Variants in JADE2 observed in about 807,000 individuals in gnomAD.
The protein encoded by JADE2 is E3 ubiquitin-protein ligase Jade-2.
A neutral mutation model predicts 85.7 loss-of-function variants in JADE2; 13 were observed. The ratio of observed to expected loss-of-function variants is 0.15; its 90% CI spans 0.10 to 0.24. JADE2 has a LOEUF of 0.24. JADE2 is among the 10% of genes least tolerant of loss of function. The pLI is 1.00. For synonymous variants in JADE2, 440 were observed against 456.1 expected, an observed-to-expected ratio of 0.96 and a Z score of 0.45; for missense variants, 846 against 1,115.9, an observed-to-expected ratio of 0.76 and a Z score of 3.45.
Position 134,578,924 on chromosome 5 carries a change from A to C in JADE2, c.2112A>C (p.Ala704=). Residue 704 remains alanine (A), a synonymous_variant, in exon 12 of 12, where the codon GCA becomes GCC. Transcript: ENST00000681547. This position sits in a 1 kb window ranked among gnomAD's most constrained non-coding sequence, Gnocchi z 4.4. ...RTSSHLPSSP[A]AGDCPILATP... ...CTTCTCACTTGCCGTCCAGCCCTGC[A>C]GCCGGGGACTGTCCCATCCTAGCCA... 1 of 1,613,792 alleles carries C rather than the reference A, an allele frequency of 6.2e-7. No individual in the cohort carries two copies. Among genetic ancestry groups the C allele is most frequent in the Non-Finnish European group, 8.5e-7 (1 of 1,180,010 alleles).
intron 1 of JADE2, among the ~76,000 whole-genome samples, chr5:134,531,528 C>T (rs1302802519): frequency 1.9e-4 from 29 of 152,036 alleles, no homozygotes; most frequent in Admixed American, 1.9e-3. Flanking sequence ...CCTCCTGCCT[C>T]TACCTCCCAA....
rs1332600932 is a variant in JADE2, at chr5:134,566,612, C to T, written c.1434+32C>T. 6 of 1,453,250 alleles carry T rather than the reference C, an allele frequency of 4.1e-6. No homozygotes were observed. Among genetic ancestry groups the T allele is most frequent in the African/African-American group, 1.4e-5 (1 of 71,466 alleles). The allele number at this position is 1,453,250 out of a possible 1,614,324, so 90.0% of individuals were successfully genotyped here. On this transcript the variant is annotated intron_variant, in intron 9 of 11. Coordinates refer to ENST00000681547, the MANE Select transcript of JADE2 (RefSeq NM_001388185.1). This position sits in a 1 kb window ranked among gnomAD's most constrained non-coding sequence, Gnocchi z 6.7. ...CCCCATGCCGCCTGCCCACCCCCTG[C>T]CTGGTGGGTCCAGGAGTCCTTTCCA...
In JADE2 at chr5:134,582,194, T is replaced by G. The variant is rs1479006106; in HGVS notation, c.*2877T>G. 6.6e-6 allele frequency: 1 copy of G among 152,294 alleles called. No homozygotes were observed. The allele number at this position is 152,294 out of a possible 1,614,324, so 9.4% of individuals were successfully genotyped here. On this transcript the variant is annotated 3_prime_UTR_variant, in exon 12 of 12. Transcript: ENST00000681547. ...AGGATAATGTGCAAGAAAAGTATTT[T>G]TATGTATCATAAATGTATTTTGAAA...
At chr5:134,577,057 C>T (rs529487396) in intron 11 of JADE2, 161 bp downstream of exon 11, 10 of 745,282 alleles carry the variant, frequency 1.3e-5, no homozygotes, top group Non-Finnish European at 2.1e-5. Context: ...ACCTTCCACC[C>T]ACAAAGGAGA....
chr5:134,566,263 C>T lies in JADE2; in HGVS notation c.1117C>T (p.Pro373Ser), dbSNP rs748349072. The change falls in exon 9 of 12, where the codon CCC becomes TCC. Residue 373 changes from proline to serine, a missense_variant. Around this residue, in one of 9 missense-constraint regions of JADE2, gnomAD observed 88 missense variants for 140.6 expected, o/e 0.63. Coordinates refer to ENST00000681547, the MANE Select transcript of JADE2 (RefSeq NM_001388185.1). This position sits in a 1 kb window ranked among gnomAD's most constrained non-coding sequence, Gnocchi z 6.7. ...EHSDGGPRNE[P>S]TSEPTEPSQA... ...CAGTGACGGGGGCCCACGTAATGAGCCCACATCTGAGCCCACGGAACCCAG... is the reference window on the plus strand; with the variant it reads ...CAGTGACGGGGGCCCACGTAATGAGTCCACATCTGAGCCCACGGAACCCAG... 4 of 1,614,140 alleles carry T rather than the reference C, an allele frequency of 2.5e-6. No homozygotes were observed. Among genetic ancestry groups the T allele is most frequent in the Non-Finnish European group, 3.4e-6 (4 of 1,180,024 alleles).
chr5:134,564,531 C>T lies in JADE2; in HGVS notation c.890C>T (p.Thr297Ile), dbSNP rs1471993094. The T allele has an allele frequency of 6.3e-7, 1 of 1,588,826 alleles. No individual in the cohort carries two copies. The highest frequency in any genetic ancestry group is 1.3e-5 in the African/African-American group (1 of 74,754). The change falls in exon 8 of 12, where the codon ACC (threonine) becomes ATC (isoleucine). Residue 297 changes from threonine to isoleucine, a missense_variant. Thr to Ile is a moderately conservative substitution (Grantham distance 89). This residue lies in a region of JADE2 where 129 missense variants were observed against 255.4 expected (regional missense o/e 0.51). Coordinates refer to ENST00000681547, the MANE Select transcript of JADE2 (RefSeq NM_001388185.1). ...IGCPEKMEPI[T>I]KISHIPASRW... is the part of the protein sequence containing the mutation. ...TGCCCAGAGAAGATGGAGCCCATCA[C>T]CAAGATCTCGCATATCCCAGCCAGC...
chr5:134,527,943 T>A (rs950864180), intron 1 of JADE2, among the ~76,000 whole-genome samples: 6 of 152,192 alleles, frequency 3.9e-5, no homozygotes, highest in African/African-American at 1.4e-4. Flanking sequence ...CTGGGTCATC[T>A]TCTGCAGGAT....
At chr5:134,531,883 CTTTTTTT>C (rs1160758941) in intron 1 of JADE2, among the ~76,000 whole-genome samples, 23 of 38,478 alleles carry the variant, frequency 6.0e-4, no homozygotes, top group African/African-American at 1.5e-3. Flanking sequence ...CCGTGCCTGG[CTTTTTTT>C]TTTTTTTTTT....
At chr5:134,569,568 G>A (rs916742534) in intron 9 of JADE2, among the ~76,000 whole-genome samples, 1 of 152,222 alleles carries the variant, frequency 6.6e-6, no homozygotes, top group African/African-American at 2.4e-5. Flanking sequence ...CAACCGTGCT[G>A]ACAAGCAGGC....
intron 4 of JADE2, among the ~76,000 whole-genome samples, chr5:134,558,301 G>C (rs1393133031): frequency 1.2e-4 from 17 of 137,698 alleles, no homozygotes; most frequent in African/African-American, 4.7e-4. Flanking sequence ...AGATGAGTAG[G>C]TTGCGAAAAT....
intron 3 of JADE2, among the ~76,000 whole-genome samples, chr5:134,545,410 G>GT (rs60025872): frequency 0.21 from 31,041 of 146,720 alleles, 3,601 homozygotes; most frequent in East Asian, 0.44. Context: ...GTTGAGTGGG[G>GT]TTTTTTTTTT....
At chr5:134,576,492 C>G (rs1764373089) in intron 10 of JADE2, among the ~76,000 whole-genome samples, 1 of 152,234 alleles carries the variant, frequency 6.6e-6, no homozygotes, top group Admixed American at 6.5e-5. Flanking sequence ...CACCCACACT[C>G]TCTCCCAAGA....
At chr5:134,525,408 G>A (rs994612970), upstream of JADE2, among the ~76,000 whole-genome samples, 1 of 151,918 alleles carries the variant, frequency 6.6e-6, no homozygotes, top group African/African-American at 2.4e-5. Flanking sequence ...GTGCCAGCAG[G>A]CGTGGTGGTG....
At chr5:134,537,557 G>C (rs1234682626) in intron 2 of JADE2, among the ~76,000 whole-genome samples, 9 of 152,178 alleles carry the variant, frequency 5.9e-5, no homozygotes, top group African/African-American at 2.2e-4. Context: ...ACCTGGATCT[G>C]CTTCAGAGCA....
chr5:134,528,392 T>G (rs1267799529), intron 1 of JADE2, among the ~76,000 whole-genome samples: 3 of 152,090 alleles, frequency 2.0e-5, no homozygotes, highest in Non-Finnish European at 4.4e-5. Context: ...CCATCTTCCT[T>G]AGACGGGCTG....
chr5:134,543,505 T>G (rs1269507198), intron 3 of JADE2, among the ~76,000 whole-genome samples: 1 of 151,618 alleles, frequency 6.6e-6, no homozygotes, highest in East Asian at 2.0e-4. Context: ...AAACCCTGTC[T>G]CTACTAAAAA....
At chr5:134,537,473 T>G (rs2149879790) in intron 2 of JADE2, among the ~76,000 whole-genome samples, 1 of 137,948 alleles carries the variant, frequency 7.2e-6, no homozygotes, top group African/African-American at 2.5e-5. Flanking sequence ...AAGAACAAAC[T>G]AAGGCTCAGC....
Position 134,562,149 on chromosome 5 carries a change from GAC to G in JADE2, c.685-47_685-46del. On this transcript the variant is annotated intron_variant, in intron 6 of 11. Coordinates refer to ENST00000681547, the MANE Select transcript of JADE2 (RefSeq NM_001388185.1). The surrounding 1 kb of genome is among the most constrained non-coding windows in gnomAD (Gnocchi z 4.6). Reference sequence around the variant, plus strand: ...ACCAAATGCAGCTGACTGCTGACCAGACACAGATTGGCCAGTTCCGCTGACTC... The same window carrying G: ...ACCAAATGCAGCTGACTGCTGACCAGACAGATTGGCCAGTTCCGCTGACTC... 6.5e-7 allele frequency: 1 copy of G among 1,544,466 alleles called. No homozygotes were observed. The highest frequency in any genetic ancestry group is 8.8e-7 in the Non-Finnish European group (1 of 1,139,844).
chr5:134,579,264 C>T lies in JADE2; in HGVS notation c.2452C>T (p.Pro818Ser), dbSNP rs774874032. 1.9e-6 allele frequency: 3 copies of T among 1,613,286 alleles called. No individual in the cohort carries two copies. Among genetic ancestry groups the T allele is most frequent in the Non-Finnish European group, 2.5e-6 (3 of 1,179,914 alleles). The change falls in exon 12 of 12, where the codon CCC becomes TCC. Residue 818 changes from proline (P) to serine (S), a missense_variant. This residue lies in a region of JADE2 where 300 missense variants were observed against 300.7 expected (regional missense o/e 1.00). Transcript: ENST00000681547. This position sits in a 1 kb window ranked among gnomAD's most constrained non-coding sequence, Gnocchi z 4.6. ...CGAGGACGGTGGGGTGCAGCGGGGTCCCCGGGAGGCAGGGGCAGAGGAGGT... is the reference window on the plus strand; with the variant it reads ...CGAGGACGGTGGGGTGCAGCGGGGTTCCCGGGAGGCAGGGGCAGAGGAGGT... ...EAEDGGVQRGPREAGAEEVVR... is the reference protein window; with the variant it reads ...EAEDGGVQRGSREAGAEEVVR...
Sources: gnomAD v4.1 joint callset for allele counts (sites outside exome capture counted in the v4.1 genomes callset) on GRCh38, gnomAD v4.1.1 for gene constraint, gnomAD v4.1.1 regional missense constraint, Gnocchi (gnomAD v3.1) non-coding constraint, MANE v1.5 for transcripts, NCBI Gene and HGNC (gene_info 2026-07-23, HGNC 2026-07-21) for gene names.